RBFOX1: variants seen among roughly 807,000 people sequenced by gnomAD.
RBFOX1 encodes the protein RNA binding protein fox-1 homolog 1.
A neutral mutation model predicts 57.7 loss-of-function variants in RBFOX1; 8 were observed. The observed-to-expected ratio is 0.14, with a 90% CI of 0.08 to 0.25. RBFOX1 has a LOEUF of 0.25. Ranked by LOEUF, RBFOX1 falls within the 10% of genes least tolerant of loss-of-function variation. The pLI is 1.00. For synonymous variants in RBFOX1, 326 were observed against 222.4 expected (o/e 1.47, Z -4.15); for missense variants, 611 against 548.5 (o/e 1.11, Z -1.14).
chr16:5,471,085 C>T (rs1006186993), intron 2 of RBFOX1, among the ~76,000 whole-genome samples: 1 of 152,116 alleles, frequency 6.6e-6, no homozygotes, highest in Non-Finnish European at 1.5e-5. Context: ...CCACCGGCCT[C>T]GGTCTCCCAA....
At chr16:6,477,226 C>G (rs560012310) in intron 2 of RBFOX1, among the ~76,000 whole-genome samples, 1 of 152,144 alleles carries the variant, frequency 6.6e-6, no homozygotes, top group East Asian at 1.9e-4. Flanking sequence ...ATCTCAAAAG[C>G]GAATATTTTT....
intron 4 of RBFOX1, among the ~76,000 whole-genome samples, chr16:7,194,734 C>T (rs12918338): frequency 0.2 from 29,812 of 151,302 alleles, 3,617 homozygotes; most frequent in Non-Finnish European, 0.29. Context: ...GCAAGACCAG[C>T]CTGGGGAATA....
Position 7,584,380 on chromosome 16 carries a change from C to G in RBFOX1, c.415-2867C>G, listed in dbSNP as rs541529526. 2.0e-5 allele frequency among the ~76,000 whole-genome samples: 3 copies of G among 152,292 alleles called. No homozygotes were observed. The East Asian group carries it at 5.8e-4, about 29-fold the overall frequency. On this transcript the variant is annotated intron_variant, in intron 6 of 15. Coordinates refer to ENST00000550418, the MANE Select transcript of RBFOX1 (RefSeq NM_018723.4). Reference sequence around the variant, plus strand: ...CAATCTTGGTTCACTGCAACCTCCACCTCCCAGGTTCAAGTGATTCTCCTG... The same window carrying G: ...CAATCTTGGTTCACTGCAACCTCCAGCTCCCAGGTTCAAGTGATTCTCCTG...
intron 1 of RBFOX1, among the ~76,000 whole-genome samples, chr16:5,277,536 A>G (rs1451676094): frequency 6.6e-6 from 1 of 152,198 alleles, no homozygotes; most frequent in Non-Finnish European, 1.5e-5. Context: ...GTATATTTTT[A>G]CACCCATTAA....
intron 1 of RBFOX1, among the ~76,000 whole-genome samples, chr16:6,086,515 G>C (rs1412594273): frequency 6.6e-6 from 1 of 152,116 alleles, no homozygotes; most frequent in Non-Finnish European, 1.5e-5. Context: ...TGTTCTTTTA[G>C]ATTCCTGCTT....
At chr16:7,542,159 G>A (rs8050946) in intron 5 of RBFOX1, among the ~76,000 whole-genome samples, 116,029 of 152,040 alleles carry the variant, frequency 0.76, 44,971 homozygotes, top group Non-Finnish European at 0.83. Context: ...CATTCTGAAC[G>A]GACTATTACT....
At chr16:5,843,424 A>T (rs2056676206) in intron 3 of RBFOX1, among the ~76,000 whole-genome samples, 1 of 152,164 alleles carries the variant, frequency 6.6e-6, no homozygotes, top group African/African-American at 2.4e-5. Context: ...GCCAAGGATA[A>T]TGGCCTCCAG....
chr16:7,179,909 A>AT (rs113449495), intron 4 of RBFOX1, among the ~76,000 whole-genome samples: 1,618 of 142,108 alleles, frequency 0.011, 26 homozygotes, highest in African/African-American at 0.035. Context: ...TAATTTTTGT[A>AT]TTTTTTTTTT....
intron 2 of RBFOX1, among the ~76,000 whole-genome samples, chr16:5,516,800 C>T (rs1021118914): frequency 5.3e-5 from 8 of 152,080 alleles, no homozygotes; most frequent in Non-Finnish European, 1.0e-4. Context: ...TCCTTTTGCT[C>T]GGCACTCATT....
intron 4 of RBFOX1, among the ~76,000 whole-genome samples, chr16:6,003,367 C>G (rs1267122965): frequency 2.0e-5 from 3 of 151,818 alleles, no homozygotes; most frequent in South Asian, 2.1e-4. Context: ...TGTGAGATCT[C>G]CTGTGCTCCT....
chr16:5,692,097 T>C (rs2050699537), intron 3 of RBFOX1, among the ~76,000 whole-genome samples: 1 of 152,050 alleles, frequency 6.6e-6, no homozygotes. Context: ...AGGTTATGGA[T>C]AAACTGTAGT....
chr16:7,001,828 A>G (rs1199428516), intron 3 of RBFOX1, among the ~76,000 whole-genome samples: 3 of 152,082 alleles, frequency 2.0e-5, no homozygotes, highest in Admixed American at 1.3e-4. Context: ...GAACATCTTT[A>G]TTATTATTAC....
intron 1 of RBFOX1, among the ~76,000 whole-genome samples, chr16:6,171,718 A>G (rs2096961914): frequency 6.6e-6 from 1 of 152,234 alleles, no homozygotes. Flanking sequence ...ATTCTTTGGA[A>G]TAGCAGAAAA....
intron 3 of RBFOX1, among the ~76,000 whole-genome samples, chr16:5,676,001 G>A (rs951828682): frequency 2.6e-5 from 4 of 152,074 alleles, no homozygotes; most frequent in Non-Finnish European, 4.4e-5. Context: ...AGAAGGCATC[G>A]CATGTTCTCA....
intron 4 of RBFOX1, among the ~76,000 whole-genome samples, chr16:7,353,729 G>C (rs191392739): frequency 6.6e-6 from 1 of 152,122 alleles, no homozygotes; most frequent in Non-Finnish European, 1.5e-5. Context: ...TGTATGATTC[G>C]ATTTATATGA....
chr16:7,485,701 C>T (rs1175189541), intron 4 of RBFOX1, among the ~76,000 whole-genome samples: 1 of 152,184 alleles, frequency 6.6e-6, no homozygotes, highest in South Asian at 2.1e-4. Flanking sequence ...TGAAACACAT[C>T]CATATATAAT....
chr16:7,362,327 TTGTG>T (rs1040901114), intron 4 of RBFOX1, among the ~76,000 whole-genome samples: 42 of 151,476 alleles, frequency 2.8e-4, no homozygotes, highest in Middle Eastern at 6.8e-3. Context: ...TGTGTATGTT[TTGTG>T]TGTATGTTAG....
chr16:5,506,344 G>A (rs1246589971), intron 2 of RBFOX1, among the ~76,000 whole-genome samples: 1 of 152,142 alleles, frequency 6.6e-6, no homozygotes, highest in African/African-American at 2.4e-5. Flanking sequence ...CTCACAGGTC[G>A]TCCTCTGTCC....
intron 1 of RBFOX1, among the ~76,000 whole-genome samples, chr16:6,178,179 T>A (rs77651074): frequency 2.2e-5 from 1 of 44,776 alleles, no homozygotes; most frequent in Admixed American, 3.2e-4. Flanking sequence ...AGGTCACTCT[T>A]TTTTTTTTTT....
Sources: gnomAD v4.1 joint callset for allele counts (sites outside exome capture counted in the v4.1 genomes callset) on GRCh38, gnomAD v4.1.1 for gene constraint, MANE v1.5 for transcripts, NCBI Gene and HGNC (gene_info 2026-07-23, HGNC 2026-07-21) for gene names.